The following NLRP8 variants were observed in gnomAD, a reference collection of about 807,000 sequenced individuals.
The protein encoded by NLRP8 is NLR family pyrin domain containing 8, also known as NACHT, LRR and PYD domains-containing protein 8.
A neutral mutation model predicts 88.7 loss-of-function variants in NLRP8; 86 were observed. The observed-to-expected ratio is 0.97, with a 90% CI of 0.81 to 1.16. The LOEUF (loss-of-function observed/expected upper bound fraction) is 1.16, where lower values mean the gene tolerates loss of function less well. NLRP8 is among the 50% of genes most tolerant of loss of function. NLRP8 has a pLI of 0.00. For synonymous variants in NLRP8, 504 were observed against 494.6 expected (o/e 1.02, Z -0.25); for missense variants, 1,342 against 1,286.5 (o/e 1.04, Z -0.66).
In NLRP8 at chr19:55,955,112, GTAACCCTTCCGGGGT is replaced by G; in HGVS notation, c.1056_1070del (p.Thr353_Phe357del). 2 of 1,614,036 alleles carry G rather than the reference GTAACCCTTCCGGGGT, an allele frequency of 1.2e-6. No homozygotes were observed. The highest frequency in any genetic ancestry group is 1.7e-6 in the Non-Finnish European group (2 of 1,179,980). On this transcript the variant is annotated inframe_deletion, in exon 3 of 10. Transcript: ENST00000291971. ...GCCCTTGCTGAAATGTCCCTCTCTCGTAACCCTTCCGGGGTTTAATACGATGGAAAAAATCAAGTA... is the reference window on the plus strand; with the variant it reads ...GCCCTTGCTGAAATGTCCCTCTCTCGTTAATACGATGGAAAAAATCAAGTA...
chr19:55,973,821 G>A lies in NLRP8; in HGVS notation c.2704G>A (p.Val902Ile). 1.2e-6 allele frequency: 2 copies of A among 1,608,092 alleles called. No individual in the cohort carries two copies. Among genetic ancestry groups the A allele is most frequent in the Non-Finnish European group, 1.7e-6 (2 of 1,175,822 alleles). Reference sequence around the variant, plus strand: ...CCTGAGATGTCCTCTGCAGAGGCTGGTGTAAGTCCCAGAATGTTTTCTTCT... The same window carrying A: ...CCTGAGATGTCCTCTGCAGAGGCTGATGTAAGTCCCAGAATGTTTTCTTCT... Residue 902 changes from valine (V) to isoleucine (I), a missense_variant and splice_region_variant, in exon 7 of 10, where the codon GTA (valine) becomes ATA (isoleucine). Coordinates refer to ENST00000291971, the MANE Select transcript of NLRP8 (RefSeq NM_176811.2).
Position 55,952,984 on chromosome 19 carries a change from G to A in NLRP8, c.442+372G>A, listed in dbSNP as rs147821139. On this transcript the variant is annotated intron_variant, in intron 2 of 9. Coordinates refer to ENST00000291971, the MANE Select transcript of NLRP8 (RefSeq NM_176811.2). ...ATTGGCTCAGCGGTCCCCAACCCCC[G>A]GGCCATGGACTAGTACCAGTCTGTG... Among the ~76,000 whole-genome samples the A allele has an allele frequency of 8.9e-3, 1,359 of 152,134 alleles. 28 individuals carry two copies. The highest frequency in any genetic ancestry group is 0.031 in the African/African-American group (1,280 of 41,500).
At chr19:55,971,290 A>G (rs1980062442) in intron 6 of NLRP8, among the ~76,000 whole-genome samples, 1 of 151,984 alleles carries the variant, frequency 6.6e-6, no homozygotes, top group African/African-American at 2.4e-5. Flanking sequence ...AAATACAAAA[A>G]TTAGCCAGGT....
intron 3 of NLRP8, 43 bp from the exon 4 acceptor site, chr19:55,962,024 A>G (rs758049837): frequency 1.1e-5 from 17 of 1,594,210 alleles, no homozygotes; most frequent in Non-Finnish European, 1.4e-5. Flanking sequence ...GATTTTCTCC[A>G]GTTTAACGAA....
chr19:55,956,306 C>T (rs889301703), intron 3 of NLRP8, among the ~76,000 whole-genome samples: 5 of 152,050 alleles, frequency 3.3e-5, no homozygotes, highest in African/African-American at 1.2e-4. Flanking sequence ...TGCAGTGGTG[C>T]AATCTCAGCT....
chr19:55,957,675 ATATATATATATATAT>A (rs1979426250), intron 3 of NLRP8, among the ~76,000 whole-genome samples: 17 of 105,568 alleles, frequency 1.6e-4, no homozygotes, highest in African/African-American at 5.5e-4. Flanking sequence ...AATAATAATT[ATATATATATATATAT>A]ATATATATAT....
In NLRP8 at chr19:55,956,093, G is replaced by C; in HGVS notation, c.2035G>C (p.Gly679Arg). The change falls in exon 3 of 10, where the codon GGC becomes CGC. Residue 679 changes from glycine to arginine, a missense_variant. By Grantham distance (125) the Gly-to-Arg change is moderately radical (BLOSUM62 -2). Transcript: ENST00000291971. ...GAAGCTCAGCTCCAGCTCCCATCCT[G>C]GCTCTGAGTAAGTGCTTCGGTCCCT... 1 of 1,611,540 alleles carries C rather than the reference G, an allele frequency of 6.2e-7. No homozygotes were observed. Among genetic ancestry groups the C allele is most frequent in the Non-Finnish European group, 8.5e-7 (1 of 1,178,440 alleles).
intron 5 of NLRP8, among the ~76,000 whole-genome samples, chr19:55,968,276 G>A (rs1325824023): frequency 3.5e-5 from 5 of 144,104 alleles, no homozygotes; most frequent in African/African-American, 7.7e-5. Context: ...CCGTCTCTAC[G>A]AAAAATACAA....
rs991399260 is a variant in NLRP8, at chr19:55,976,447, G to C, written c.2876+144G>C. On this transcript the variant is annotated intron_variant, in intron 8 of 9. Transcript: ENST00000291971. ...TGAATTGGAGAACTGGGAAGCTTCT[G>C]AGCCGTGGTTCTCAAAGTGTGGATC... is the stretch of plus-strand genomic sequence containing the variant. 2.1e-5 allele frequency: 16 copies of C among 749,744 alleles called. 1 individual carries two copies. In the South Asian group the frequency reaches 7.5e-4, roughly 35 times the overall value. The allele number at this position is 749,744 out of a possible 1,614,324, so 46.4% of individuals were successfully genotyped here.
chr19:55,957,887 G>A (rs902484150), intron 3 of NLRP8, among the ~76,000 whole-genome samples: 14 of 151,698 alleles, frequency 9.2e-5, no homozygotes, highest in Admixed American at 1.3e-4. Flanking sequence ...AAATATAATG[G>A]ATTTCTTTTT....
In NLRP8 at chr19:55,987,816, G is replaced by A; in HGVS notation, c.3050G>A (p.Cys1017Tyr). The change falls in exon 10 of 10, where the codon TGT becomes TAT. Residue 1017 changes from cysteine to tyrosine, a missense_variant and splice_region_variant. Cys to Tyr is a radical substitution (Grantham distance 194, BLOSUM62 -2). Coordinates refer to ENST00000291971, the MANE Select transcript of NLRP8 (RefSeq NM_176811.2). ...AGCCTTCCTTTACCTCCCTCCAGCT[G>A]TATTCCTGCCTGGACTCGAATAACT... 6.2e-7 allele frequency: 1 copy of A among 1,612,872 alleles called. No individual in the cohort carries two copies. Among genetic ancestry groups the A allele is most frequent in the Non-Finnish European group, 8.5e-7 (1 of 1,179,000 alleles).
chr19:55,954,809 A>G lies in NLRP8; in HGVS notation c.751A>G (p.Thr251Ala). The change falls in exon 3 of 10, where the codon ACG (threonine) becomes GCG (alanine). Residue 251 changes from threonine to alanine, a missense_variant. Thr to Ala is a moderately conservative substitution (Grantham distance 58). Transcript: ENST00000291971. ...CTTCCATTGCCAAGAGGTGAACCAG[A>G]CGACAGACCAGAGCTTCTCCGAGCT... The G allele has an allele frequency of 6.2e-7, 1 of 1,614,186 alleles. No individual in the cohort carries two copies. The highest frequency in any genetic ancestry group is 8.5e-7 in the Non-Finnish European group (1 of 1,180,030).
chr19:55,970,911 C>T (rs898315330), intron 6 of NLRP8, among the ~76,000 whole-genome samples: 5 of 152,110 alleles, frequency 3.3e-5, no homozygotes, highest in Non-Finnish European at 7.4e-5. Context: ...CGGATTTATA[C>T]CTAATATTCT....
intron 9 of NLRP8, among the ~76,000 whole-genome samples, chr19:55,981,433 T>C (rs906924921): frequency 1.3e-5 from 2 of 152,162 alleles, no homozygotes; most frequent in Non-Finnish European, 2.9e-5. Flanking sequence ...CCAACCCACA[T>C]CTACTCCTGG....
chr19:55,955,292 A>G lies in NLRP8; in HGVS notation c.1234A>G (p.Arg412Gly). The G allele has an allele frequency of 6.2e-7, 1 of 1,614,104 alleles. No individual in the cohort carries two copies. Among genetic ancestry groups the G allele is most frequent in the Non-Finnish European group, 8.5e-7 (1 of 1,180,030 alleles). ...CTCTGGTCTGAAACAGCAAATGGAG[A>G]GAGGAAACAATCTCACACAGTCATG... is the stretch of plus-strand genomic sequence containing the variant. Residue 412 changes from arginine (R) to glycine (G), a missense_variant, in exon 3 of 10, where the codon AGA becomes GGA. Arg to Gly is a moderately radical substitution (Grantham distance 125). Transcript: ENST00000291971.
At chr19:55,953,466 G>A (rs1159423244) in intron 2 of NLRP8, among the ~76,000 whole-genome samples, 1 of 151,280 alleles carries the variant, frequency 6.6e-6, no homozygotes, top group Non-Finnish European at 1.5e-5. Flanking sequence ...CACTTCAATA[G>A]AGTGTGTCTC....
rs1417347029 is a variant in NLRP8 at position 55,979,380 on chromosome 19, T to C, written c.2877-14T>C. 1.2e-6 allele frequency: 2 copies of C among 1,613,078 alleles called. No homozygotes were observed. The highest frequency in any genetic ancestry group is 1.7e-6 in the Non-Finnish European group (2 of 1,179,986). On this transcript the variant is annotated splice_polypyrimidine_tract_variant and intron_variant, in intron 8 of 9. Coordinates refer to ENST00000291971, the MANE Select transcript of NLRP8 (RefSeq NM_176811.2). ...TGACTTCTCTGCTGTCTGCTGTCTG[T>C]TTCTGTGTCACAGGCTGGAAAACTG... is the stretch of plus-strand genomic sequence containing the variant.
chr19:55,959,664 A>AGATG lies in NLRP8; in HGVS notation c.2043-2402_2043-2399dup, dbSNP rs374572667. ...TGCTTATTCTCACAGCCCAATAACC[A>AGATG]GATGCAGATGAACTGGGAAACAAGA... is the stretch of plus-strand genomic sequence containing the variant. On this transcript the variant is annotated intron_variant, in intron 3 of 9. Coordinates refer to ENST00000291971, the MANE Select transcript of NLRP8 (RefSeq NM_176811.2). Among the ~76,000 whole-genome samples the AGATG allele has an allele frequency of 1.6e-3, 243 of 152,324 alleles. 1 individual carries two copies. The highest frequency in any genetic ancestry group is 5.4e-3 in the African/African-American group (226 of 41,578).
At chr19:55,981,526 A>G (rs1980571938) in intron 9 of NLRP8, among the ~76,000 whole-genome samples, 1 of 152,208 alleles carries the variant, frequency 6.6e-6, no homozygotes, top group African/African-American at 2.4e-5. Context: ...GAAAAATTTA[A>G]TTAAAAATAT....
Sources: allele counts gnomAD v4.1 joint callset (sites outside exome capture counted in the v4.1 genomes callset), GRCh38; gene constraint gnomAD v4.1.1; transcripts MANE v1.5; gene names NCBI Gene and HGNC (gene_info 2026-07-23, HGNC 2026-07-21).